Variants in PGM5 observed in about 807,000 individuals in gnomAD.
PGM5 encodes phosphoglucomutase 5, also known as phosphoglucomutase-like protein 5.
A neutral mutation model predicts 59.2 loss-of-function variants in PGM5; 23 were observed. The ratio of observed to expected loss-of-function variants is 0.39; its 90% confidence interval spans 0.28 to 0.55. The LOEUF is 0.55. Ranked by LOEUF, PGM5 falls within the 20% of genes least tolerant of loss-of-function variation. The pLI, the probability that PGM5 is intolerant of heterozygous loss-of-function variation, is 0.66. For synonymous variants in PGM5, 214 were observed against 286.0 expected, an observed-to-expected ratio of 0.75 and a Z score of 2.54; for missense variants, 574 against 748.3, an observed-to-expected ratio of 0.77 and a Z score of 2.72.
At chr9:68,373,572 A>G (rs1262748505) in intron 1 of PGM5, among the ~76,000 whole-genome samples, 10 of 152,196 alleles carry the variant, frequency 6.6e-5, no homozygotes, top group Non-Finnish European at 1.3e-4. Context: ...CTTGCCCCAA[A>G]GTGGACATAA....
chr9:68,356,984 C>G lies in PGM5; in HGVS notation c.-144C>G. ...CGGGCGGTCCCCAGGCGGGCGGGTGCAGGGCGCAGGGCGCCGACCTGCTGG... is the reference window on the plus strand; with the variant it reads ...CGGGCGGTCCCCAGGCGGGCGGGTGGAGGGCGCAGGGCGCCGACCTGCTGG... On this transcript the variant is annotated 5_prime_UTR_variant, in exon 1 of 11. Coordinates refer to ENST00000396396, the MANE Select transcript of PGM5 (RefSeq NM_021965.4). The G allele has an allele frequency of 1.2e-6, 1 of 821,802 alleles. No individual in the cohort carries two copies. The highest frequency in any genetic ancestry group is 1.7e-6 in the Non-Finnish European group (1 of 581,814). The allele number at this position is 821,802 out of a possible 1,614,324, so 50.9% of individuals were successfully genotyped here.
chr9:68,402,783 C>G (rs1361300301), intron 6 of PGM5, among the ~76,000 whole-genome samples: 1 of 152,144 alleles, frequency 6.6e-6, no homozygotes, highest in Admixed American at 6.6e-5. Flanking sequence ...CCTGAAGGTA[C>G]TTCTGGAGTG....
At chr9:68,471,138 G>A (rs1417570511) in intron 7 of PGM5, among the ~76,000 whole-genome samples, 1 of 152,166 alleles carries the variant, frequency 6.6e-6, no homozygotes, top group Non-Finnish European at 1.5e-5. Flanking sequence ...ACACCTAAGG[G>A]TGGAGCAAAA....
At chr9:68,452,848 C>G (rs1554684489) in intron 6 of PGM5, among the ~76,000 whole-genome samples, 1 of 152,204 alleles carries the variant, frequency 6.6e-6, no homozygotes, top group Non-Finnish European at 1.5e-5. Context: ...CAAGGCATCA[C>G]CTTCCAACAT....
chr9:68,359,116 G>A (rs1464217902), intron 1 of PGM5, among the ~76,000 whole-genome samples: 1 of 152,154 alleles, frequency 6.6e-6, no homozygotes, highest in Non-Finnish European at 1.5e-5. Context: ...AGCTACGGTT[G>A]TTGATTTGCA....
chr9:68,413,557 T>C (rs1198722435), intron 6 of PGM5, among the ~76,000 whole-genome samples: 1 of 152,248 alleles, frequency 6.6e-6, no homozygotes, highest in Non-Finnish European at 1.5e-5. Context: ...GCCTTGGTTT[T>C]CATTATTTGG....
chr9:68,514,456 G>A (rs945309064), intron 10 of PGM5, among the ~76,000 whole-genome samples: 1 of 151,996 alleles, frequency 6.6e-6, no homozygotes, highest in Non-Finnish European at 1.5e-5. Flanking sequence ...ATAAAAATTG[G>A]CTGGGCATGG....
Position 68,529,580 on chromosome 9 carries a change from C to T in PGM5, c.1628C>T (p.Pro543Leu). 1 of 1,595,784 alleles carries T rather than the reference C, an allele frequency of 6.3e-7. No individual in the cohort carries two copies. The highest frequency in any genetic ancestry group is 8.6e-7 in the Non-Finnish European group (1 of 1,168,096). Residue 543 changes from proline (P) to leucine (L), a missense_variant, in exon 11 of 11, where the codon CCT becomes CTT. Physicochemically the swap from Pro to Leu is moderately conservative, Grantham distance 98 (BLOSUM62 -3). Transcript: ENST00000396396. ...TTCCTTTTGCAGGCAGTGCTGAGCC[C>T]TCTCATAGCCATCGCACTGAAAATA... ...HDQEPQAVLS[P>L]LIAIALKISQ...
intron 6 of PGM5, among the ~76,000 whole-genome samples, chr9:68,434,554 C>T (rs1823414601): frequency 6.6e-6 from 1 of 151,970 alleles, no homozygotes; most frequent in African/African-American, 2.4e-5. Context: ...CGCTTCTAAT[C>T]CCAATACTTT....
chr9:68,462,943 T>A (rs1453198404), intron 6 of PGM5, among the ~76,000 whole-genome samples: 4 of 152,082 alleles, frequency 2.6e-5, no homozygotes, highest in African/African-American at 9.7e-5. Context: ...TGCTGTATAG[T>A]TTGTGGGTGG....
chr9:68,387,775 A>C (rs1554679018), intron 4 of PGM5, among the ~76,000 whole-genome samples, 187 bp downstream of exon 4: 1 of 151,986 alleles, frequency 6.6e-6, no homozygotes, highest in Non-Finnish European at 1.5e-5. Context: ...AAATGAAAAC[A>C]AAAGTTGAAC....
chr9:68,483,826 T>A, intron 8 of PGM5, 39 bp from the exon 9 acceptor site: 1 of 1,595,580 alleles, frequency 6.3e-7, no homozygotes, highest in Non-Finnish European at 8.6e-7. Flanking sequence ...AGTTGCTGGT[T>A]CTCTGATTAG....
intron 6 of PGM5, among the ~76,000 whole-genome samples, chr9:68,418,450 C>A (rs1431283497): frequency 6.6e-5 from 10 of 152,094 alleles, no homozygotes; most frequent in Admixed American, 6.5e-4. Flanking sequence ...TTAGTTAACA[C>A]CCTGCTGCAT....
At chr9:68,459,703 A>G (rs906520104) in intron 6 of PGM5, among the ~76,000 whole-genome samples, 1 of 152,172 alleles carries the variant, frequency 6.6e-6, no homozygotes, top group African/African-American at 2.4e-5. Flanking sequence ...GTGGATACAT[A>G]GTAATATTTC....
At position 68,373,119 on chromosome 9, in the gene PGM5, G is replaced by A. The variant is rs571678702; in HGVS notation, c.262-5080G>A. Among the ~76,000 whole-genome samples, 142 of 145,210 alleles carry A rather than the reference G, an allele frequency of 9.8e-4. 1 individual carries two copies. The highest frequency in any genetic ancestry group is 3.5e-3 in the African/African-American group (138 of 39,130). On this transcript the variant is annotated intron_variant, in intron 1 of 10. Coordinates refer to ENST00000396396, the MANE Select transcript of PGM5 (RefSeq NM_021965.4). ...CCACTCATTGACATCCACAGAACTGGTCATCCTATTATTAAAATCCTCCTC... is the reference window on the plus strand; with the variant it reads ...CCACTCATTGACATCCACAGAACTGATCATCCTATTATTAAAATCCTCCTC...
At chr9:68,485,390 G>C (rs1365257972) in intron 9 of PGM5, among the ~76,000 whole-genome samples, 2 of 152,138 alleles carry the variant, frequency 1.3e-5, no homozygotes, top group African/African-American at 2.4e-5. Context: ...TGTCATGGGA[G>C]GGACCAGGTG....
At chr9:68,507,805 T>C (rs555520836) in intron 10 of PGM5, among the ~76,000 whole-genome samples, 1 of 152,068 alleles carries the variant, frequency 6.6e-6, no homozygotes, top group Non-Finnish European at 1.5e-5. Flanking sequence ...GGGCAAACAG[T>C]CCTTCTTTTT....
At chr9:68,528,616 A>C (rs545025707) in intron 10 of PGM5, among the ~76,000 whole-genome samples, 4 of 152,014 alleles carry the variant, frequency 2.6e-5, no homozygotes, top group African/African-American at 9.7e-5. Flanking sequence ...CATGGAAAAA[A>C]CAATACCACT....
chr9:68,486,869 G>A (rs1587209613), intron 9 of PGM5, among the ~76,000 whole-genome samples: 1 of 152,116 alleles, frequency 6.6e-6, no homozygotes, highest in South Asian at 2.1e-4. Flanking sequence ...GTAAGCAATT[G>A]CACCACTTGA....
Sources: allele counts gnomAD v4.1 joint callset (sites outside exome capture counted in the v4.1 genomes callset), GRCh38; gene constraint gnomAD v4.1.1; transcripts MANE v1.5; gene names NCBI Gene and HGNC (gene_info 2026-07-23, HGNC 2026-07-21).